The following CSMD1 variants were observed in gnomAD, a reference collection of about 807,000 sequenced individuals.
CSMD1 encodes the protein CUB and Sushi multiple domains 1.
In CSMD1, 213 loss-of-function variants were observed where a neutral mutation model predicts 417.5. The observed-to-expected ratio is 0.51, with a 90% CI of 0.46 to 0.57. CSMD1 has a LOEUF of 0.57. Ranked by LOEUF, CSMD1 falls within the 20% of genes least tolerant of loss-of-function variation. CSMD1 has a pLI of 0.00. For synonymous variants in CSMD1, 2,862 were observed against 1,736.8 expected (o/e 1.65, Z -16.11); for missense variants, 6,923 against 4,529.7 (o/e 1.53, Z -15.17).
At chr8:4,475,343 C>T (rs1800742009) in intron 2 of CSMD1, among the ~76,000 whole-genome samples, 1 of 152,072 alleles carries the variant, frequency 6.6e-6, no homozygotes, top group Non-Finnish European at 1.5e-5. Context: ...AAGACAGAAG[C>T]AGTATATTAA....
chr8:4,261,395 T>C (rs1183023078), intron 3 of CSMD1, among the ~76,000 whole-genome samples: 2 of 152,122 alleles, frequency 1.3e-5, no homozygotes, highest in Admixed American at 6.6e-5. Flanking sequence ...GAATGGTAGT[T>C]GCCAGGGGCT....
At chr8:3,463,015 C>T (rs1420812137) in intron 12 of CSMD1, among the ~76,000 whole-genome samples, 3 of 152,198 alleles carry the variant, frequency 2.0e-5, no homozygotes, top group South Asian at 4.1e-4. Flanking sequence ...AGTGAGAAGG[C>T]GCCATCTATG....
intron 3 of CSMD1, among the ~76,000 whole-genome samples, chr8:4,238,351 C>A (rs567637404): frequency 6.6e-6 from 1 of 152,302 alleles, no homozygotes; most frequent in South Asian, 2.1e-4. Context: ...CTCCAGCTCC[C>A]AGCAAGGACT....
chr8:4,620,803 C>G (rs557008303), intron 2 of CSMD1, among the ~76,000 whole-genome samples: 2 of 151,066 alleles, frequency 1.3e-5, no homozygotes, highest in Admixed American at 6.6e-5. Context: ...AAGAGAGAGC[C>G]AAATTAGTGA....
chr8:3,984,519 AG>A (rs1432909000), intron 5 of CSMD1, among the ~76,000 whole-genome samples: 2 of 151,902 alleles, frequency 1.3e-5, no homozygotes, highest in Non-Finnish European at 2.9e-5. Flanking sequence ...AGCAGTAATA[AG>A]TACACTATTT....
intron 2 of CSMD1, among the ~76,000 whole-genome samples, chr8:4,512,270 G>T (rs1802863140): frequency 6.6e-6 from 1 of 152,192 alleles, no homozygotes; most frequent in African/African-American, 2.4e-5. Context: ...CAGTAAACCA[G>T]AACAAGAGGG....
chr8:4,303,309 G>A (rs774243501), intron 3 of CSMD1, among the ~76,000 whole-genome samples: 11 of 151,862 alleles, frequency 7.2e-5, no homozygotes, highest in African/African-American at 9.7e-5. Context: ...TTATAACCTG[G>A]CACTGACAAA....
intron 1 of CSMD1, among the ~76,000 whole-genome samples, chr8:4,839,811 C>T (rs1175121989): frequency 1.2e-4 from 18 of 152,090 alleles, no homozygotes; most frequent in Non-Finnish European, 7.4e-5. Context: ...AATTAAATAT[C>T]GTTAAAAATC....
At chr8:4,357,551 A>C (rs1437581356) in intron 3 of CSMD1, among the ~76,000 whole-genome samples, 1 of 150,078 alleles carries the variant, frequency 6.7e-6, no homozygotes, top group African/African-American at 2.5e-5. Context: ...GCACAGTTGG[A>C]AAAAAAAAAT....
rs573866634 is a variant in CSMD1, at chr8:2,969,455, G to T, written c.8924-2709C>A. Among the ~76,000 whole-genome samples, 5 of 152,254 alleles carry T rather than the reference G, an allele frequency of 3.3e-5. No individual in the cohort carries two copies. The South Asian group carries it at 1.0e-3, about 32-fold the overall frequency. ...CTAACAAAAGCAAATTTGATTTAAT[G>T]TGAAGGAAATATATCTGCAATATAA... On this transcript the variant is annotated intron_variant, in intron 57 of 69. Coordinates refer to ENST00000635120, the MANE Select transcript of CSMD1 (RefSeq NM_033225.6).
chr8:3,991,854 T>A (rs923670079), intron 5 of CSMD1, among the ~76,000 whole-genome samples: 1 of 152,202 alleles, frequency 6.6e-6, no homozygotes, highest in Non-Finnish European at 1.5e-5. Flanking sequence ...TTTAACTACT[T>A]TGAAGCCTAT....
chr8:3,831,640 T>G lies in CSMD1; in HGVS notation c.819-77598A>C, dbSNP rs536221134. ...CATTGCACTACTTATGGGTTTTCCT[T>G]CAAAAGGAATCTATGACAAATTAAA... On this transcript the variant is annotated intron_variant, in intron 5 of 69. Coordinates refer to ENST00000635120, the MANE Select transcript of CSMD1 (RefSeq NM_033225.6). Among the ~76,000 whole-genome samples the G allele has an allele frequency of 7.9e-5, 12 of 152,300 alleles. No individual in the cohort carries two copies. In the South Asian group the frequency reaches 1.7e-3, roughly 21 times the overall value.
rs116838660 is a variant in CSMD1, at chr8:4,111,275, A to C, written c.416-79176T>G. On this transcript the variant is annotated intron_variant, in intron 3 of 69. Transcript: ENST00000635120. ...ATCAGTCAGTTTGTTTTAGATATAG[A>C]TCAGTGAAATCTTATGAGCAGAAGA... is the stretch of plus-strand genomic sequence containing the variant. 5.7e-3 allele frequency among the ~76,000 whole-genome samples: 861 copies of C among 152,288 alleles called. 8 individuals carry two copies. Among genetic ancestry groups the C allele is most frequent in the African/African-American group, 0.02 (811 of 41,572 alleles).
At chr8:4,639,034 G>A (rs1349637958) in intron 1 of CSMD1, among the ~76,000 whole-genome samples, 3 of 152,238 alleles carry the variant, frequency 2.0e-5, no homozygotes. Flanking sequence ...AGTAACAGCT[G>A]CACACCTGAC....
At chr8:4,795,554 A>T (rs4875386) in intron 1 of CSMD1, among the ~76,000 whole-genome samples, 2 of 151,842 alleles carry the variant, frequency 1.3e-5, no homozygotes, top group African/African-American at 4.8e-5. Flanking sequence ...GAGCCACCGC[A>T]CCCGGCCAGC....
intron 5 of CSMD1, among the ~76,000 whole-genome samples, chr8:3,840,626 T>C (rs141780467): frequency 1.8e-4 from 27 of 152,042 alleles, no homozygotes; most frequent in African/African-American, 6.3e-4. Flanking sequence ...GATATATCTG[T>C]GTGTGTGCAC....
chr8:4,684,822 GC>G (rs1415294372), intron 1 of CSMD1, among the ~76,000 whole-genome samples: 1 of 152,068 alleles, frequency 6.6e-6, no homozygotes, highest in Non-Finnish European at 1.5e-5. Flanking sequence ...AAAAGAGATA[GC>G]TTATTCATGT....
intron 41 of CSMD1, among the ~76,000 whole-genome samples, chr8:3,130,384 C>G (rs188571492): frequency 1.3e-5 from 2 of 152,062 alleles, no homozygotes; most frequent in South Asian, 4.1e-4. Flanking sequence ...GAAAGCCTCC[C>G]GCCCCCAATT....
chr8:4,148,549 T>A (rs1174988225), intron 3 of CSMD1, among the ~76,000 whole-genome samples: 3 of 150,828 alleles, frequency 2.0e-5, no homozygotes, highest in Non-Finnish European at 4.4e-5. Context: ...CTACTTGGAG[T>A]TCTGGAGGCT....
Sources: allele counts gnomAD v4.1 joint callset (sites outside exome capture counted in the v4.1 genomes callset), GRCh38; gene constraint gnomAD v4.1.1; transcripts MANE v1.5; gene names NCBI Gene and HGNC (gene_info 2026-07-23, HGNC 2026-07-21).